The following WWOX variants were observed in gnomAD, a reference collection of about 807,000 sequenced individuals.
WWOX encodes WW domain containing oxidoreductase.
In WWOX, 69 loss-of-function variants were observed where a neutral mutation model predicts 46.2. The ratio of observed to expected loss-of-function variants is 1.49; its 90% CI spans 1.23 to 1.82. The LOEUF is 1.82. WWOX is among the 40% of genes most tolerant of loss of function. WWOX has a pLI of 0.00. For missense variants in WWOX, 919 were observed against 542.6 expected, an observed-to-expected ratio of 1.69 and a Z score of -6.89; for synonymous variants, 359 against 202.6, an observed-to-expected ratio of 1.77 and a Z score of -6.56.
chr16:79,155,035 A>C (rs1391990722), intron 8 of WWOX, among the ~76,000 whole-genome samples: 1 of 152,230 alleles, frequency 6.6e-6, no homozygotes, highest in African/African-American at 2.4e-5. Flanking sequence ...ACCCAGACTT[A>C]GGGTTCTAGA....
intron 8 of WWOX, among the ~76,000 whole-genome samples, chr16:78,846,305 C>G (rs1567600527): frequency 6.6e-6 from 1 of 152,208 alleles, no homozygotes; most frequent in Non-Finnish European, 1.5e-5. Context: ...CAGACTATAA[C>G]TGACCAACAG....
At chr16:78,392,371 G>C (rs753328546) in intron 6 of WWOX, among the ~76,000 whole-genome samples, 1 of 152,100 alleles carries the variant, frequency 6.6e-6, no homozygotes, top group African/African-American at 2.4e-5. Context: ...AGATGGGATT[G>C]TCTAGTTCTA....
At chr16:78,755,585 C>G (rs1446524075) in intron 8 of WWOX, among the ~76,000 whole-genome samples, 2 of 152,154 alleles carry the variant, frequency 1.3e-5, no homozygotes, top group Admixed American at 6.5e-5. Context: ...TGCCCGAAGC[C>G]TCTCAGTGCC....
chr16:78,995,200 C>A (rs1233710159), intron 8 of WWOX, among the ~76,000 whole-genome samples: 1 of 152,018 alleles, frequency 6.6e-6, no homozygotes, highest in Non-Finnish European at 1.5e-5. Context: ...TCTCTGCTTG[C>A]ATTCTTTCCA....
chr16:79,101,852 T>C (rs2049202960), intron 8 of WWOX: 3 of 151,378 alleles, frequency 2.0e-5, no homozygotes, highest in Admixed American at 2.0e-4. Flanking sequence ...TGGCTGTGGT[T>C]TTCAAGAAGT....
chr16:79,051,037 C>A (rs1374512210), intron 8 of WWOX, among the ~76,000 whole-genome samples: 8 of 152,182 alleles, frequency 5.3e-5, no homozygotes, highest in Admixed American at 6.5e-5. Flanking sequence ...ACGCTTATAG[C>A]AGGATTATTC....
At chr16:78,198,659 T>C (rs1242012507) in intron 5 of WWOX, among the ~76,000 whole-genome samples, 1 of 152,224 alleles carries the variant, frequency 6.6e-6, no homozygotes, top group African/African-American at 2.4e-5. Flanking sequence ...CACTATCTAA[T>C]GACTTTTGCT....
intron 8 of WWOX, among the ~76,000 whole-genome samples, chr16:78,962,327 A>T (rs58269489): frequency 0.15 from 3,790 of 24,668 alleles, 46 homozygotes; most frequent in African/African-American, 0.25. Flanking sequence ...TTTTTTTTTT[A>T]AAAAAAAAAA....
intron 8 of WWOX, among the ~76,000 whole-genome samples, chr16:78,937,893 G>C (rs562849308): frequency 6.6e-6 from 1 of 152,300 alleles, no homozygotes; most frequent in South Asian, 2.1e-4. Flanking sequence ...CTCCCAAAGT[G>C]TTGGGATTAC....
chr16:79,065,276 G>C (rs949373643), intron 8 of WWOX, among the ~76,000 whole-genome samples: 1 of 152,160 alleles, frequency 6.6e-6, no homozygotes, highest in African/African-American at 2.4e-5. Context: ...AGGAAAGAAA[G>C]AGTTTAATTA....
chr16:78,998,795 C>T (rs1407152110), intron 8 of WWOX, among the ~76,000 whole-genome samples: 1 of 152,194 alleles, frequency 6.6e-6, no homozygotes, highest in East Asian at 1.9e-4. Flanking sequence ...CCAGTCTGAT[C>T]CTTGACCTTC....
intron 8 of WWOX, among the ~76,000 whole-genome samples, chr16:78,973,040 C>T (rs1052634820): frequency 1.3e-5 from 2 of 152,212 alleles, no homozygotes; most frequent in South Asian, 2.1e-4. Context: ...AGTTGGGACT[C>T]AGCTGTTGTT....
At chr16:78,380,140 G>A (rs2081923392) in intron 5 of WWOX, among the ~76,000 whole-genome samples, 1 of 152,182 alleles carries the variant, frequency 6.6e-6, no homozygotes, top group Non-Finnish European at 1.5e-5. Context: ...GGGTTACCAA[G>A]AGCAGGACAG....
At chr16:78,753,247 C>G (rs957587774) in intron 8 of WWOX, among the ~76,000 whole-genome samples, 4 of 152,018 alleles carry the variant, frequency 2.6e-5, no homozygotes, top group Non-Finnish European at 2.9e-5. Context: ...TTGCAGTGAG[C>G]CGAGATTACA....
chr16:79,031,095 A>C (rs1322799857), intron 8 of WWOX, among the ~76,000 whole-genome samples: 117 of 150,842 alleles, frequency 7.8e-4, no homozygotes, highest in African/African-American at 2.8e-3. Context: ...CCTGTCTCAA[A>C]AAAAAAAAAA....
At chr16:78,766,845 T>C (rs1297293134) in intron 8 of WWOX, among the ~76,000 whole-genome samples, 1 of 152,160 alleles carries the variant, frequency 6.6e-6, no homozygotes, top group East Asian at 1.9e-4. Context: ...AAATTCATAG[T>C]CATTAAATAT....
chr16:78,360,172 C>G (rs1567523685), intron 5 of WWOX, among the ~76,000 whole-genome samples: 3 of 152,182 alleles, frequency 2.0e-5, no homozygotes, highest in East Asian at 1.9e-4. Context: ...ATATTACTTT[C>G]TAAAAGCAAG....
chr16:78,788,621 G>T (rs2050516217), intron 8 of WWOX, among the ~76,000 whole-genome samples: 1 of 152,210 alleles, frequency 6.6e-6, no homozygotes. Flanking sequence ...CTCGCCCTAT[G>T]TGTCTTTTCA....
At chr16:78,948,869 A>G (rs765912086) in intron 8 of WWOX, among the ~76,000 whole-genome samples, 5 of 152,168 alleles carry the variant, frequency 3.3e-5, no homozygotes, top group Non-Finnish European at 5.9e-5. Flanking sequence ...GAGTTCTCAC[A>G]GGAGCCCTTC....
Sources: gnomAD v4.1 joint callset for allele counts (sites outside exome capture counted in the v4.1 genomes callset) on GRCh38, gnomAD v4.1.1 for gene constraint, MANE v1.5 for transcripts, NCBI Gene and HGNC (gene_info 2026-07-23, HGNC 2026-07-21) for gene names.